The following MET variants were observed in gnomAD, a reference collection of about 807,000 sequenced individuals.
MET encodes the protein hepatocyte growth factor receptor.
In MET, 48 loss-of-function variants were observed where a neutral mutation model predicts 133.1. That is an observed-to-expected ratio of 0.36 (90% CI 0.29 to 0.46). The LOEUF (loss-of-function observed/expected upper bound fraction) is 0.46, where lower values mean the gene tolerates loss of function less well. Ranked by LOEUF, MET falls within the 20% of genes least tolerant of loss-of-function variation. The pLI, the probability that MET is intolerant of heterozygous loss-of-function variation, is 1.00. For synonymous variants in MET, 628 were observed against 616.5 expected (o/e 1.02, Z -0.28); for missense variants, 1,442 against 1,695.9 (o/e 0.85, Z 2.63).
rs1239661289 is a variant in MET, at chr7:116,720,725, C to T, written c.1201-10943C>T. ...TGTTGAATTTTGTCAAAGGCTTTTT[C>T]TGCATCTATTGAGATAATCATGTGG... On this transcript the variant is annotated intron_variant, in intron 2 of 20. Transcript: ENST00000397752. Among the ~76,000 whole-genome samples, 40 of 137,414 alleles carry T rather than the reference C, an allele frequency of 2.9e-4. 2 individuals are homozygous for T. The South Asian group carries it at 9.6e-3, about 33-fold the overall frequency. 90.1% of individuals were successfully genotyped at this position (137,414 alleles called of 152,430 possible). A position where few individuals can be genotyped will look rare whatever the true frequency, so the allele number is the denominator to read the frequency against.
At chr7:116,765,326 G>A (rs1794584342) in intron 11 of MET, among the ~76,000 whole-genome samples, 1 of 148,388 alleles carries the variant, frequency 6.7e-6, no homozygotes, top group Non-Finnish European at 1.5e-5. Flanking sequence ...CTTCATCAAT[G>A]AAAGTGTTCT....
chr7:116,729,620 G>A (rs1262195411), intron 2 of MET, among the ~76,000 whole-genome samples: 1 of 152,124 alleles, frequency 6.6e-6, no homozygotes, highest in Non-Finnish European at 1.5e-5. Flanking sequence ...ATACAAAGAT[G>A]TAATGAAATT....
rs1796012083 is a variant in MET, at chr7:116,672,540, C to A, written c.-52C>A. On this transcript the variant is annotated 5_prime_UTR_variant, in exon 1 of 21. Coordinates refer to ENST00000397752, the MANE Select transcript of MET (RefSeq NM_000245.4). The stretch of plus-strand genomic sequence containing the variant: ...GCGCGGAGCGCGCGTGTGGTCCTTG[C>A]GCCGCTGACTTCTCCACTGGTTCCT... The A allele has an allele frequency of 1.0e-5, 4 of 397,088 alleles. No individual in the cohort carries two copies. Among genetic ancestry groups the A allele is most frequent in the Middle Eastern group, 6.3e-4 (1 of 1,582 alleles). The allele number at this position is 397,088 out of a possible 1,614,324, so 24.6% of individuals were successfully genotyped here. A position where few individuals can be genotyped will look rare whatever the true frequency, so the allele number is the denominator to read the frequency against.
intron 20 of MET, 26 bp from the exon 21 acceptor site, chr7:116,795,861 A>G: frequency 6.2e-7 from 1 of 1,614,182 alleles, no homozygotes; most frequent in Non-Finnish European, 8.5e-7. Flanking sequence ...AGGGTCTCTT[A>G]CAGCATGTCT....
chr7:116,698,764 T>C (rs1046912313), intron 1 of MET, among the ~76,000 whole-genome samples: 1 of 152,232 alleles, frequency 6.6e-6, no homozygotes, highest in Non-Finnish European at 1.5e-5. Context: ...GTTGCTATGT[T>C]TTTTCTTTCA....
chr7:116,727,337 A>G (rs1792833858), intron 2 of MET, among the ~76,000 whole-genome samples: 1 of 152,172 alleles, frequency 6.6e-6, no homozygotes, highest in African/African-American at 2.4e-5. Context: ...GGGCACTGTG[A>G]CTGAGCCCTC....
chr7:116,765,442 GT>G (rs1451064728), intron 11 of MET, among the ~76,000 whole-genome samples: 1 of 152,084 alleles, frequency 6.6e-6, no homozygotes, highest in African/African-American at 2.4e-5. Flanking sequence ...AAAAGAGATT[GT>G]GATCATTCCC....
At chr7:116,724,234 T>A (rs1165631200) in intron 2 of MET, 1 of 167,878 alleles carries the variant, frequency 6.0e-6, no homozygotes, top group Non-Finnish European at 1.3e-5. Context: ...CGGGTGGGAG[T>A]GACCCGATTT....
chr7:116,741,611 A>G (rs977815199), intron 5 of MET, among the ~76,000 whole-genome samples: 1 of 152,114 alleles, frequency 6.6e-6, no homozygotes, highest in Admixed American at 6.6e-5. Context: ...GAGACTGAAG[A>G]TTATTTCCCG....
chr7:116,759,632 T>C, intron 10 of MET, 142 bp downstream of exon 10: 1 of 950,332 alleles, frequency 1.1e-6, no homozygotes. Flanking sequence ...AGTAGTATTT[T>C]TTATTTAATA....
At chr7:116,791,788 G>A (rs554374555) in intron 19 of MET, among the ~76,000 whole-genome samples, 5 of 151,910 alleles carry the variant, frequency 3.3e-5, no homozygotes, top group East Asian at 3.9e-4. Flanking sequence ...CCTCAGCCTC[G>A]CCAGTAGCTG....
intron 19 of MET, among the ~76,000 whole-genome samples, chr7:116,791,207 T>C (rs1795481014): frequency 6.6e-6 from 1 of 152,220 alleles, no homozygotes; most frequent in Admixed American, 6.5e-5. Context: ...CTTGGGTGAA[T>C]ATCTAGGTGT....
At chr7:116,698,998 A>G in intron 1 of MET, 73 bp from the exon 2 acceptor site, 1 of 1,600,786 alleles carries the variant, frequency 6.2e-7, no homozygotes, top group Non-Finnish European at 8.5e-7. Context: ...GATAGATTAA[A>G]TGGTATAGGT....
chr7:116,689,956 G>A (rs1036262060), intron 1 of MET, among the ~76,000 whole-genome samples: 7 of 151,950 alleles, frequency 4.6e-5, no homozygotes, highest in East Asian at 1.9e-4. Flanking sequence ...GTCTTGGGGG[G>A]CAATTTTCGA....
At chr7:116,716,078 C>T (rs1792180333) in intron 2 of MET, among the ~76,000 whole-genome samples, 1 of 151,898 alleles carries the variant, frequency 6.6e-6, no homozygotes, top group Non-Finnish European at 1.5e-5. Context: ...TGGCAAAATC[C>T]CATCTCTACA....
intron 19 of MET, among the ~76,000 whole-genome samples, chr7:116,794,475 G>A (rs1795611171): frequency 6.6e-6 from 1 of 152,196 alleles, no homozygotes; most frequent in Non-Finnish European, 1.5e-5. Flanking sequence ...GCCATCAAGG[G>A]TTCTTGCACT....
chr7:116,772,073 A>T (rs1322662483), intron 14 of MET, 84 bp downstream of exon 14: 1 of 1,501,586 alleles, frequency 6.7e-7, no homozygotes, highest in Non-Finnish European at 9.2e-7. Flanking sequence ...TTGGTTTTGC[A>T]TTTATATTTT....
At chr7:116,791,225 A>G (rs1795481390) in intron 19 of MET, among the ~76,000 whole-genome samples, 1 of 152,216 alleles carries the variant, frequency 6.6e-6, no homozygotes, top group Non-Finnish European at 1.5e-5. Context: ...TGTAAGAGTA[A>G]CTAACTGGGT....
chr7:116,754,965 AGGAAGGAAGCAGAGAAAG>A (rs1584938226), intron 5 of MET, among the ~76,000 whole-genome samples: 11 of 144,140 alleles, frequency 7.6e-5, no homozygotes, highest in Admixed American at 2.8e-4. Flanking sequence ...AAGAAAGAGA[AGGAAGGAAGCAGAGAAAG>A]GAAAGAAAGA....
Sources: allele counts gnomAD v4.1 joint callset (sites outside exome capture counted in the v4.1 genomes callset), GRCh38; gene constraint gnomAD v4.1.1; transcripts MANE v1.5; gene names NCBI Gene and HGNC (gene_info 2026-07-23, HGNC 2026-07-21).